MAP7: variants seen among roughly 807,000 people sequenced by gnomAD.
MAP7 encodes the protein ensconsin.
MAP7 carries 52 observed loss-of-function variants against 94.8 expected under a neutral mutation model. The observed-to-expected ratio is 0.55, with a 90% CI of 0.44 to 0.69. The LOEUF (loss-of-function observed/expected upper bound fraction) is 0.69, where lower values mean the gene tolerates loss of function less well. MAP7 is among the 30% of genes least tolerant of loss of function. The probability of loss-of-function intolerance (pLI) is 0.00; values close to 1 mark genes in which losing one functional copy is unlikely to be tolerated. For synonymous variants in MAP7, 350 were observed against 357.0 expected (o/e 0.98, Z 0.22); for missense variants, 940 against 964.6 (o/e 0.97, Z 0.34).
At chr6:136,480,780 T>G (rs1440512776) in intron 1 of MAP7, among the ~76,000 whole-genome samples, 1 of 151,708 alleles carries the variant, frequency 6.6e-6, no homozygotes, top group Non-Finnish European at 1.5e-5. Context: ...ATGGGATCAC[T>G]TCATGTTAAA....
intron 1 of MAP7, among the ~76,000 whole-genome samples, chr6:136,520,218 G>T (rs986163732): frequency 2.7e-5 from 4 of 150,708 alleles, no homozygotes; most frequent in Non-Finnish European, 5.9e-5. Flanking sequence ...AAAAAAAAAG[G>T]GGGGAGGAGC....
At chr6:136,422,380 T>C (rs1791654198) in intron 1 of MAP7, among the ~76,000 whole-genome samples, 1 of 152,130 alleles carries the variant, frequency 6.6e-6, no homozygotes, top group Non-Finnish European at 1.5e-5. Flanking sequence ...GGTGGGGTGC[T>C]GGAGGGAGGC....
intron 5 of MAP7, 60 bp from the exon 6 acceptor site, chr6:136,383,841 T>C: frequency 1.0e-6 from 1 of 993,562 alleles, no homozygotes; most frequent in East Asian, 2.5e-5. Flanking sequence ...AATTTCCTAG[T>C]TCACTGATGG....
intron 1 of MAP7, among the ~76,000 whole-genome samples, chr6:136,478,171 G>A (rs901731229): frequency 1.3e-5 from 2 of 152,156 alleles, no homozygotes; most frequent in African/African-American, 4.8e-5. Flanking sequence ...AGCACTAAGT[G>A]CCTACATCAA....
chr6:136,413,464 T>C lies in MAP7; in HGVS notation c.167-1767A>G, dbSNP rs999791523. On this transcript the variant is annotated intron_variant, in intron 2 of 17. Transcript: ENST00000354570. ...TTGAATCCGGGAGGTGGAGGTTGCG[T>C]TGAGCCAAGACTGCATGCCACTGCA... Among the ~76,000 whole-genome samples, 10 of 150,030 alleles carry C rather than the reference T, an allele frequency of 6.7e-5. No individual in the cohort carries two copies. In the East Asian group the frequency reaches 1.8e-3, roughly 27 times the overall value.
In MAP7 at chr6:136,420,954, A is replaced by G. The variant is rs115724205; in HGVS notation, c.166+747T>C. Among the ~76,000 whole-genome samples the G allele has an allele frequency of 3.6e-3, 542 of 152,334 alleles. 3 individuals are homozygous for G. Among genetic ancestry groups the G allele is most frequent in the African/African-American group, 0.012 (506 of 41,572 alleles). The stretch of plus-strand genomic sequence containing the variant: ...TTCAGTCCTGGATGCAGCATGAAGT[A>G]GGTTTCCAAGAACCTCATGGGGTAT... On this transcript the variant is annotated intron_variant, in intron 2 of 17. Coordinates refer to ENST00000354570, the MANE Select transcript of MAP7 (RefSeq NM_003980.6).
At chr6:136,506,067 G>A (rs985256485) in intron 1 of MAP7, among the ~76,000 whole-genome samples, 15 of 152,108 alleles carry the variant, frequency 9.9e-5, no homozygotes, top group African/African-American at 3.1e-4. Flanking sequence ...AAAAAAATCT[G>A]TGTTTTTAAT....
chr6:136,405,188 G>C (rs773296535), intron 3 of MAP7, among the ~76,000 whole-genome samples: 10 of 152,152 alleles, frequency 6.6e-5, no homozygotes, highest in Non-Finnish European at 1.0e-4. Context: ...AGCTGTTCTA[G>C]ATACTAAGCT....
rs148492522 is a variant in MAP7, at chr6:136,407,807, T to A, written c.244+3813A>T. Reference sequence around the variant, plus strand: ...TTTATTCTGCAAAAGATCTAATAGCTAAGCTACTAGTCAGAAAGAACCTAG... The same window carrying A: ...TTTATTCTGCAAAAGATCTAATAGCAAAGCTACTAGTCAGAAAGAACCTAG... On this transcript the variant is annotated intron_variant, in intron 3 of 17. Coordinates refer to ENST00000354570, the MANE Select transcript of MAP7 (RefSeq NM_003980.6). Among the ~76,000 whole-genome samples, 473 of 152,210 alleles carry A rather than the reference T, an allele frequency of 3.1e-3. 1 individual carries two copies. The highest frequency in any genetic ancestry group is 4.9e-3 in the Non-Finnish European group (331 of 68,008).
At chr6:136,542,698 C>A (rs1232366151) in intron 1 of MAP7, among the ~76,000 whole-genome samples, 1 of 150,324 alleles carries the variant, frequency 6.7e-6, no homozygotes, top group Non-Finnish European at 1.5e-5. Flanking sequence ...GCTCTTCAAG[C>A]AAGCAATGGT....
chr6:136,458,079 G>A (rs1385000322), intron 1 of MAP7, among the ~76,000 whole-genome samples: 1 of 152,152 alleles, frequency 6.6e-6, no homozygotes, highest in Admixed American at 6.6e-5. Context: ...AAGGAATTCA[G>A]TGAAGTTAAA....
At chr6:136,400,806 A>G (rs1783853553) in intron 3 of MAP7, among the ~76,000 whole-genome samples, 1 of 152,138 alleles carries the variant, frequency 6.6e-6, no homozygotes, top group Non-Finnish European at 1.5e-5. Flanking sequence ...CTCTATATTC[A>G]CTTCTGCATG....
intron 16 of MAP7, among the ~76,000 whole-genome samples, chr6:136,354,353 TATATATATAGTAGATATATATAAAA>T (rs1337109168): frequency 3.5e-5 from 5 of 143,988 alleles, no homozygotes; most frequent in East Asian, 2.0e-4. Flanking sequence ...TTAAAGGAAA[TATATATATAGTAGATATATATAAAA>T]ATATATATAG....
Position 136,525,890 on chromosome 6 carries a change from T to A in MAP7, c.67+24452A>T, listed in dbSNP as rs933164438. ...GTTCGTCTTCCTCATTAATGGTGAA[T>A]AAACCAAGAGGAATTGGCCTTGCAT... On this transcript the variant is annotated intron_variant, in intron 1 of 17. Transcript: ENST00000354570. 3.3e-6 allele frequency: 5 copies of A among 1,535,854 alleles called. No individual in the cohort carries two copies. In the African/African-American group the frequency reaches 6.8e-5, roughly 21 times the overall value.
At chr6:136,423,210 G>A (rs955233767) in intron 1 of MAP7, among the ~76,000 whole-genome samples, 4 of 152,184 alleles carry the variant, frequency 2.6e-5, no homozygotes, top group Non-Finnish European at 5.9e-5. Context: ...GTGTTTTGGA[G>A]TCAGCAAACC....
intron 1 of MAP7, among the ~76,000 whole-genome samples, chr6:136,508,509 T>C (rs1822261652): frequency 6.6e-6 from 1 of 152,184 alleles, no homozygotes; most frequent in African/African-American, 2.4e-5. Context: ...CATTCTGAAT[T>C]TGGACACCAA....
chr6:136,505,211 A>G (rs1821020491), intron 1 of MAP7, among the ~76,000 whole-genome samples: 4 of 146,822 alleles, frequency 2.7e-5, no homozygotes, highest in African/African-American at 7.6e-5. Flanking sequence ...CTTCCTGAAC[A>G]CTGTTTTAAG....
intron 1 of MAP7, among the ~76,000 whole-genome samples, chr6:136,425,081 C>CT (rs1562386157): frequency 6.6e-6 from 1 of 152,210 alleles, no homozygotes; most frequent in Non-Finnish European, 1.5e-5. Context: ...TCCTATGTGA[C>CT]TGACAGGTGT....
At chr6:136,354,440 ATATATAG>A (rs1462598684) in intron 16 of MAP7, among the ~76,000 whole-genome samples, 8 of 143,906 alleles carry the variant, frequency 5.6e-5, no homozygotes, top group African/African-American at 1.3e-4. Flanking sequence ...GTAGATATAT[ATATATAG>A]TAGATATATA....
Sources: allele counts gnomAD v4.1 joint callset (sites outside exome capture counted in the v4.1 genomes callset), GRCh38; gene constraint gnomAD v4.1.1; transcripts MANE v1.5; gene names NCBI Gene and HGNC (gene_info 2026-07-23, HGNC 2026-07-21).